MTUS2: variants seen among roughly 807,000 people sequenced by gnomAD.
MTUS2 encodes microtubule associated scaffold protein 2.
A neutral mutation model predicts 114.1 loss-of-function variants in MTUS2; 40 were observed. That is an observed-to-expected ratio of 0.35 (90% CI 0.27 to 0.46). The LOEUF is 0.46. Among genes scored for constraint, MTUS2 ranks in the 20% least tolerant of loss-of-function variants. MTUS2 has a pLI of 1.00. For synonymous variants in MTUS2, 688 were observed against 672.0 expected, an observed-to-expected ratio of 1.02 and a Z score of -0.37; for missense variants, 1,679 against 1,705.4, an observed-to-expected ratio of 0.98 and a Z score of 0.27.
intron 5 of MTUS2, among the ~76,000 whole-genome samples, chr13:29,251,339 G>A (rs1267113113): frequency 6.7e-6 from 1 of 149,162 alleles, no homozygotes; most frequent in Non-Finnish European, 1.5e-5. Context: ...CATCTGGCAT[G>A]GGCATGAGGT....
chr13:29,179,535 A>G (rs1893912319), intron 5 of MTUS2, among the ~76,000 whole-genome samples: 1 of 152,208 alleles, frequency 6.6e-6, no homozygotes, highest in African/African-American at 2.4e-5. Flanking sequence ...AGGTGTTTAT[A>G]CCTTCTATTC....
intron 4 of MTUS2, among the ~76,000 whole-genome samples, chr13:29,055,655 C>CT (rs1442976521): frequency 2.0e-5 from 3 of 151,956 alleles, no homozygotes; most frequent in South Asian, 2.1e-4. Flanking sequence ...TGATCTCGTT[C>CT]TTTTTTATGG....
At chr13:29,490,823 C>T (rs746145282) in intron 11 of MTUS2, among the ~76,000 whole-genome samples, 1 of 152,262 alleles carries the variant, frequency 6.6e-6, no homozygotes, top group Non-Finnish European at 1.5e-5. Context: ...ATGGCTGCTT[C>T]GCAGTGGGAA....
intron 3 of MTUS2, among the ~76,000 whole-genome samples, chr13:29,027,870 A>G (rs1482570241): frequency 6.6e-6 from 1 of 152,196 alleles, no homozygotes; most frequent in Non-Finnish European, 1.5e-5. Context: ...GTATAGATAC[A>G]GAGACAGACA....
chr13:29,034,850 C>A (rs1385559738), intron 4 of MTUS2, among the ~76,000 whole-genome samples: 2 of 152,150 alleles, frequency 1.3e-5, no homozygotes, highest in Admixed American at 1.3e-4. Flanking sequence ...CACCACTGCA[C>A]CTTCATCAGG....
chr13:29,344,827 C>T (rs1266414292), intron 7 of MTUS2, among the ~76,000 whole-genome samples: 1 of 152,090 alleles, frequency 6.6e-6, no homozygotes, highest in Non-Finnish European at 1.5e-5. Flanking sequence ...TTTATAACTC[C>T]CTTTAGCAAT....
chr13:29,027,050 C>T (rs1886593560), intron 3 of MTUS2, 147 bp downstream of exon 3: 2 of 874,364 alleles, frequency 2.3e-6, no homozygotes, highest in African/African-American at 1.7e-5. Context: ...GAGTTTTTGA[C>T]TAGAGGAGAT....
At chr13:28,921,284 C>G (rs538723320) in intron 2 of MTUS2, among the ~76,000 whole-genome samples, 4 of 152,334 alleles carry the variant, frequency 2.6e-5, no homozygotes, top group East Asian at 3.9e-4. Context: ...TGGGTCCTTG[C>G]CTTCAAGGCA....
intron 8 of MTUS2, among the ~76,000 whole-genome samples, chr13:29,424,364 CAAA>C (rs1481081465): frequency 6.6e-6 from 1 of 151,850 alleles, no homozygotes; most frequent in Non-Finnish European, 1.5e-5. Context: ...AAATGTATAT[CAAA>C]GAAGTCACCC....
chr13:29,235,204 C>A (rs193200379), intron 5 of MTUS2, among the ~76,000 whole-genome samples: 169 of 152,230 alleles, frequency 1.1e-3, no homozygotes, highest in African/African-American at 3.9e-3. Context: ...TCAAGCAGTT[C>A]TTCTGCCTCA....
intron 2 of MTUS2, among the ~76,000 whole-genome samples, chr13:28,894,330 GA>G (rs1879131878): frequency 3.0e-5 from 2 of 65,890 alleles, no homozygotes; most frequent in Admixed American, 1.3e-4. Context: ...GGGAGGGAGG[GA>G]GAGAGAGAGA....
chr13:29,018,497 G>C, intron 2 of MTUS2, among the ~76,000 whole-genome samples: 1 of 152,162 alleles, frequency 6.6e-6, no homozygotes, highest in East Asian at 1.9e-4. Flanking sequence ...GCATTTGGCC[G>C]GGCCCAGTGG....
At chr13:29,056,450 C>T (rs1888138318) in intron 4 of MTUS2, among the ~76,000 whole-genome samples, 1 of 152,034 alleles carries the variant, frequency 6.6e-6, no homozygotes, top group South Asian at 2.1e-4. Context: ...TAGAATTTGG[C>T]TATGAATGCA....
At chr13:28,898,990 C>T (rs7333396) in intron 2 of MTUS2, among the ~76,000 whole-genome samples, 4,771 of 152,224 alleles carry the variant, frequency 0.031, 229 homozygotes, top group African/African-American at 0.11. Context: ...TCCCTTTCCT[C>T]CCACCTTTTT....
At chr13:28,906,420 C>T (rs1593289073) in intron 2 of MTUS2, among the ~76,000 whole-genome samples, 1 of 151,132 alleles carries the variant, frequency 6.6e-6, no homozygotes, top group East Asian at 1.9e-4. Context: ...CTACACACTG[C>T]TTTGAATGTG....
chr13:29,421,624 T>G (rs1379999207), intron 8 of MTUS2, among the ~76,000 whole-genome samples: 2 of 152,166 alleles, frequency 1.3e-5, no homozygotes, highest in Non-Finnish European at 2.9e-5. Flanking sequence ...GTGTCCTGGG[T>G]GTAAACATGA....
intron 8 of MTUS2, among the ~76,000 whole-genome samples, chr13:29,411,390 A>T (rs1353997982): frequency 6.6e-6 from 1 of 152,162 alleles, no homozygotes; most frequent in Non-Finnish European, 1.5e-5. Context: ...ATATGTCCTT[A>T]GGTCTATTTC....
intron 5 of MTUS2, among the ~76,000 whole-genome samples, chr13:29,131,110 T>C (rs1286587116): frequency 6.6e-6 from 1 of 152,214 alleles, no homozygotes. Flanking sequence ...ATTTTTCCAC[T>C]GGTCTAAAAT....
intron 15 of MTUS2, 53 bp downstream of exon 15, chr13:29,501,247 T>G: frequency 7.4e-7 from 1 of 1,358,702 alleles, no homozygotes; most frequent in Non-Finnish European, 1.1e-6. Flanking sequence ...AGCTTCTTTT[T>G]GTTGCAACAT....
Sources: gnomAD v4.1 joint callset for allele counts (sites outside exome capture counted in the v4.1 genomes callset) on GRCh38, gnomAD v4.1.1 for gene constraint, MANE v1.5 for transcripts, NCBI Gene and HGNC (gene_info 2026-07-23, HGNC 2026-07-21) for gene names.